The following GRID2 variants were observed in gnomAD, a reference collection of about 807,000 sequenced individuals.
GRID2 encodes the protein glutamate receptor ionotropic, delta-2.
Under a neutral mutation model 114.8 loss-of-function variants are expected in GRID2, and 33 were observed. The observed-to-expected ratio is 0.29, with a 90% CI of 0.22 to 0.38. The LOEUF (loss-of-function observed/expected upper bound fraction) is 0.38. Ranked by LOEUF, GRID2 falls within the 10% of genes least tolerant of loss-of-function variation. The pLI is 1.00. For synonymous variants in GRID2, 505 were observed against 449.9 expected (o/e 1.12, Z -1.55); for missense variants, 1,184 against 1,257.7 (o/e 0.94, Z 0.89).
chr4:92,304,876 T>G, intron 1 of GRID2, 132 bp downstream of exon 1: 1 of 702,768 alleles, frequency 1.4e-6, no homozygotes, highest in Non-Finnish European at 2.5e-6. Context: ...CCCTTCCCGC[T>G]ACCCTTCCCT....
chr4:92,726,305 C>G (rs1395650174), intron 2 of GRID2, among the ~76,000 whole-genome samples: 3 of 152,114 alleles, frequency 2.0e-5, no homozygotes. Context: ...ACCAGCCTTA[C>G]CACAAACACA....
intron 14 of GRID2, among the ~76,000 whole-genome samples, chr4:93,704,512 T>G (rs1416635606): frequency 1.3e-5 from 2 of 152,202 alleles, no homozygotes; most frequent in Non-Finnish European, 2.9e-5. Flanking sequence ...GAGATCCCAT[T>G]TGTCAATTTT....
chr4:93,076,547 T>C (rs74834701), intron 2 of GRID2, among the ~76,000 whole-genome samples: 6,681 of 151,716 alleles, frequency 0.044, 217 homozygotes, highest in East Asian at 0.14. Context: ...TCAAGAATAG[T>C]CATTGGATAT....
chr4:92,644,168 C>G (rs1346249351), intron 2 of GRID2, among the ~76,000 whole-genome samples: 2 of 151,352 alleles, frequency 1.3e-5, no homozygotes, highest in East Asian at 3.9e-4. Context: ...ACATCTTTTT[C>G]ATTGAAAAAA....
chr4:92,342,713 G>A (rs1425502434), intron 1 of GRID2, among the ~76,000 whole-genome samples: 1 of 152,206 alleles, frequency 6.6e-6, no homozygotes, highest in Non-Finnish European at 1.5e-5. Flanking sequence ...CATAAAGTGA[G>A]TATATTGATT....
intron 14 of GRID2, among the ~76,000 whole-genome samples, chr4:93,726,017 G>T (rs541811006): frequency 4.6e-5 from 7 of 152,200 alleles, no homozygotes; most frequent in South Asian, 4.1e-4. Flanking sequence ...CTTTGGCTTT[G>T]GTTGCCATTG....
intron 2 of GRID2, among the ~76,000 whole-genome samples, chr4:93,006,786 A>G (rs1335533525): frequency 1.3e-5 from 2 of 152,020 alleles, no homozygotes; most frequent in Non-Finnish European, 2.9e-5. Context: ...TAGTACCTCA[A>G]AATGAACAGA....
chr4:92,537,236 T>A (rs1244534365), intron 1 of GRID2, among the ~76,000 whole-genome samples: 1 of 152,218 alleles, frequency 6.6e-6, no homozygotes, highest in Non-Finnish European at 1.5e-5. Context: ...CGTGAAATCT[T>A]ATTCTAAGTT....
intron 2 of GRID2, among the ~76,000 whole-genome samples, chr4:92,832,308 C>A (rs1742163354): frequency 6.6e-6 from 1 of 151,926 alleles, no homozygotes; most frequent in Non-Finnish European, 1.5e-5. Context: ...ATAAAATTAG[C>A]CAAATGTGGT....
intron 8 of GRID2, among the ~76,000 whole-genome samples, chr4:93,244,569 T>C (rs1177362009): frequency 2.7e-5 from 1 of 36,668 alleles, no homozygotes; most frequent in Non-Finnish European, 5.2e-5. Flanking sequence ...ATCTATTATA[T>C]ATTAATTAAT....
At chr4:92,990,180 C>G (rs1034800999) in intron 2 of GRID2, among the ~76,000 whole-genome samples, 10 of 144,012 alleles carry the variant, frequency 6.9e-5, no homozygotes, top group Non-Finnish European at 1.3e-4. Context: ...AATAGAGTGG[C>G]ATTCATCTTA....
At chr4:92,865,108 T>G (rs182915075) in intron 2 of GRID2, among the ~76,000 whole-genome samples, 243 of 152,314 alleles carry the variant, frequency 1.6e-3, no homozygotes, top group African/African-American at 5.7e-3. Context: ...GAGTGAGGTT[T>G]GAGGTTCCCT....
intron 2 of GRID2, among the ~76,000 whole-genome samples, chr4:92,707,940 T>G (rs927161676): frequency 1.3e-5 from 2 of 152,132 alleles, no homozygotes; most frequent in African/African-American, 4.8e-5. Context: ...ACAAACTTAA[T>G]TTGGAGTTCC....
chr4:92,874,625 T>G (rs764836234), intron 2 of GRID2, among the ~76,000 whole-genome samples: 24 of 152,178 alleles, frequency 1.6e-4, no homozygotes, highest in Non-Finnish European at 2.9e-4. Context: ...ACAACATTTG[T>G]ATGTATGAGT....
chr4:92,853,213 A>G (rs1169929077), intron 2 of GRID2, among the ~76,000 whole-genome samples: 1 of 152,026 alleles, frequency 6.6e-6, no homozygotes, highest in Non-Finnish European at 1.5e-5. Context: ...TATCAGAAGG[A>G]TTAAATGATA....
intron 2 of GRID2, among the ~76,000 whole-genome samples, chr4:92,731,652 G>T (rs1736333145): frequency 6.6e-6 from 1 of 151,830 alleles, no homozygotes; most frequent in Non-Finnish European, 1.5e-5. Flanking sequence ...TAATTAAAGA[G>T]GGTGAATTTG....
At chr4:93,759,268 G>A (rs1389196844) in intron 14 of GRID2, among the ~76,000 whole-genome samples, 1 of 152,142 alleles carries the variant, frequency 6.6e-6, no homozygotes, top group Non-Finnish European at 1.5e-5. Context: ...CCCTTAGGCA[G>A]TGCAAGACTT....
At chr4:92,925,837 A>G (rs1749765711) in intron 2 of GRID2, among the ~76,000 whole-genome samples, 1 of 151,950 alleles carries the variant, frequency 6.6e-6, no homozygotes, top group East Asian at 1.9e-4. Flanking sequence ...TTTTATTTAG[A>G]ATTATGACAT....
intron 8 of GRID2, among the ~76,000 whole-genome samples, chr4:93,358,041 G>A (rs1243510413): frequency 6.6e-6 from 1 of 151,560 alleles, no homozygotes; most frequent in East Asian, 1.9e-4. Flanking sequence ...AATTAATGAT[G>A]TTTACAAACA....
Sources: allele counts gnomAD v4.1 joint callset (sites outside exome capture counted in the v4.1 genomes callset), GRCh38; gene constraint gnomAD v4.1.1; transcripts MANE v1.5; gene names NCBI Gene and HGNC (gene_info 2026-07-23, HGNC 2026-07-21).